C2orf78: variants seen among roughly 807,000 people sequenced by gnomAD.
C2orf78 encodes uncharacterized protein C2orf78.
Under a neutral mutation model 21.4 loss-of-function variants are expected in C2orf78, and 12 were observed. The ratio of observed to expected loss-of-function variants is 0.56; its 90% confidence interval spans 0.36 to 0.91. The LOEUF (loss-of-function observed/expected upper bound fraction) is 0.91, where lower values mean the gene tolerates loss of function less well. Among genes scored for constraint, C2orf78 ranks in the 40% least tolerant of loss-of-function variants. The pLI, the probability that C2orf78 is intolerant of heterozygous loss-of-function variation, is 0.01. For missense variants in C2orf78, 1,042 were observed against 1,092.4 expected (o/e 0.95, Z 0.65); for synonymous variants, 396 against 413.9 (o/e 0.96, Z 0.52).
rs773760146 is a variant in C2orf78 at position 73,813,869 on chromosome 2, C to G, written c.490C>G (p.Gln164Glu). The change falls in exon 2 of 3, where the codon CAG becomes GAG. Residue 164 changes from glutamine (Q) to glutamate (E), a missense_variant. Physicochemically the swap from Gln to Glu is conservative, Grantham distance 29. Coordinates refer to ENST00000409561, the Ensembl canonical transcript of C2orf78. The stretch of plus-strand genomic sequence containing the variant: ...TGTCTCTTCCATGTCTATGACAGCC[C>G]AGTATTATAAAACTTCAGATACCAA... 22 of 1,613,802 alleles carry G rather than the reference C, an allele frequency of 1.4e-5. 1 individual carries two copies. The highest frequency in any genetic ancestry group is 1.0e-4 in the Admixed American group (6 of 59,974).
At chr2:73,815,165 C>T (rs1673165771) in exon 3 of C2orf78, 1 of 1,613,998 alleles carries the variant, frequency 6.2e-7, no homozygotes, top group South Asian at 1.1e-5. Context: ...TCTCCAAGTC[C>T]TTCAGTAGCA....
chr2:73,816,644 T>G, exon 3 of C2orf78: 1 of 1,613,916 alleles, frequency 6.2e-7, no homozygotes, highest in Non-Finnish European at 8.5e-7. Context: ...TCCCTCAATC[T>G]GCTGCTTCTA....
chr2:73,816,545 C>T (rs765738272), exon 3 of C2orf78: 3 of 1,613,816 alleles, frequency 1.9e-6, no homozygotes, highest in Admixed American at 1.7e-5. Flanking sequence ...CTCCTACCAA[C>T]ACATCTTTGA....
Position 73,785,531 on chromosome 2 carries a change from G to GAA in C2orf78, c.97+1134_97+1135dup, listed in dbSNP as rs1167308496. On this transcript the variant is annotated intron_variant, in intron 1 of 2. Transcript: ENST00000409561. ...AAAGAAAAAAATATATTTTAAATTT[G>GAA]AAAAAAAAAAGCAGAAGGACAACAG... Among the ~76,000 whole-genome samples, 325 of 139,206 alleles carry GAA rather than the reference G, an allele frequency of 2.3e-3. 3 individuals are homozygous for GAA. Among genetic ancestry groups the GAA allele is most frequent in the African/African-American group, 8.2e-3 (310 of 37,618 alleles). The allele number at this position is 139,206 out of a possible 152,430, so 91.3% of individuals were successfully genotyped here.
chr2:73,784,416 G>C lies in C2orf78; in HGVS notation c.97+10G>C, dbSNP rs1485929711. ...TCTCTGACCATGTCAGGTAAAGAGA[G>C]AAACTTTTTAAAAAGGTTTTCATGA... On this transcript the variant is annotated intron_variant, in intron 1 of 2. Coordinates refer to ENST00000409561, the Ensembl canonical transcript of C2orf78. 1 of 912,306 alleles carries C rather than the reference G, an allele frequency of 1.1e-6. No individual in the cohort carries two copies. The highest frequency in any genetic ancestry group is 1.6e-6 in the Non-Finnish European group (1 of 608,238). The allele number at this position is 912,306 out of a possible 1,614,324, so 56.5% of individuals were successfully genotyped here. A position where few individuals can be genotyped will look rare whatever the true frequency, so the allele number is the denominator to read the frequency against.
intron 1 of C2orf78, among the ~76,000 whole-genome samples, chr2:73,798,305 A>C (rs1202559798): frequency 1.5e-4 from 5 of 32,284 alleles, no homozygotes; most frequent in African/African-American, 7.2e-4. Context: ...AATACAAAAA[A>C]TTAGCCGGCT....
rs140115416 is a variant in C2orf78 at position 73,786,075 on chromosome 2, A to G, written c.97+1669A>G. On this transcript the variant is annotated intron_variant, in intron 1 of 2. Transcript: ENST00000409561. ...AAGAAAAAAAAAGAAAGAGAGAAAT[A>G]TGTTTTAGAAATGAGGCTTCCAGGC... 2.8e-4 allele frequency among the ~76,000 whole-genome samples: 42 copies of G among 151,856 alleles called. 1 individual carries two copies. In the East Asian group the frequency reaches 5.1e-3, roughly 18 times the overall value.
intron 2 of C2orf78, among the ~76,000 whole-genome samples, chr2:73,814,706 C>G (rs1236221057): frequency 6.6e-6 from 1 of 152,240 alleles, no homozygotes; most frequent in Non-Finnish European, 1.5e-5. Context: ...GGGCTCCACT[C>G]TCTACCTTAC....
chr2:73,816,274 C>T (rs756767934), exon 3 of C2orf78: 65 of 1,613,688 alleles, frequency 4.0e-5, no homozygotes, highest in Middle Eastern at 1.6e-4. Context: ...GGTAAAGGCC[C>T]GGAGAAAATT....
At chr2:73,808,530 C>G (rs1189595669) in intron 1 of C2orf78, among the ~76,000 whole-genome samples, 1 of 150,266 alleles carries the variant, frequency 6.7e-6, no homozygotes, top group Non-Finnish European at 1.5e-5. Flanking sequence ...ACTATCATGT[C>G]TGTCTTGCAG....
At chr2:73,809,999 AT>A (rs1158097411) in intron 1 of C2orf78, among the ~76,000 whole-genome samples, 8 of 152,128 alleles carry the variant, frequency 5.3e-5, no homozygotes, top group Admixed American at 1.3e-4. Context: ...AAATAAAAAA[AT>A]ATATTTTAAA....
At chr2:73,786,433 T>G (rs1263062607) in intron 1 of C2orf78, among the ~76,000 whole-genome samples, 2 of 129,148 alleles carry the variant, frequency 1.5e-5, no homozygotes, top group Non-Finnish European at 3.2e-5. Context: ...CTCTAAAAGC[T>G]TACCACCAAG....
rs955413317 is a variant in C2orf78 at position 73,807,932 on chromosome 2, G to C, written c.98-5545G>C. Among the ~76,000 whole-genome samples the C allele has an allele frequency of 7.3e-5, 11 of 150,886 alleles. 1 individual carries two copies. The highest frequency in any genetic ancestry group is 1.3e-4 in the Admixed American group (2 of 15,204). On this transcript the variant is annotated intron_variant, in intron 1 of 2. Transcript: ENST00000409561. ...CTTTGCTGTTCAAGTTACAAAAGAG[G>C]GTTCTTTAATCTCTTCCTTTGGCCC...
intron 1 of C2orf78, among the ~76,000 whole-genome samples, chr2:73,812,077 T>C (rs553930012): frequency 6.6e-6 from 1 of 152,292 alleles, no homozygotes; most frequent in East Asian, 1.9e-4. Flanking sequence ...ATACAGTTTG[T>C]CTATACATTT....
chr2:73,816,534 G>A, exon 3 of C2orf78: 1 of 1,613,840 alleles, frequency 6.2e-7, no homozygotes, highest in Non-Finnish European at 8.5e-7. Context: ...ATCCCGACCA[G>A]CTCCTACCAA....
At chr2:73,812,408 C>T (rs1000233665) in intron 1 of C2orf78, among the ~76,000 whole-genome samples, 1 of 152,136 alleles carries the variant, frequency 6.6e-6, no homozygotes, top group African/African-American at 2.4e-5. Flanking sequence ...TAATCTATCA[C>T]TTTTATTCAT....
intron 1 of C2orf78, among the ~76,000 whole-genome samples, chr2:73,809,310 T>A (rs1673023509): frequency 6.6e-6 from 1 of 152,210 alleles, no homozygotes; most frequent in Admixed American, 6.5e-5. Flanking sequence ...ATAGTCTCCC[T>A]CCACTAATAT....
chr2:73,817,007 G>T, exon 3 of C2orf78: 1 of 1,592,866 alleles, frequency 6.3e-7, no homozygotes, highest in South Asian at 1.1e-5. Flanking sequence ...TGAGATTGTT[G>T]GTTTTACTTT....
At chr2:73,784,693 G>A (rs568938347) in intron 1 of C2orf78, among the ~76,000 whole-genome samples, 43 of 151,394 alleles carry the variant, frequency 2.8e-4, no homozygotes, top group African/African-American at 1.0e-3. Flanking sequence ...AAGGGTATAC[G>A]TATAGAAAAT....
Sources: allele counts gnomAD v4.1 joint callset (sites outside exome capture counted in the v4.1 genomes callset), GRCh38; gene constraint gnomAD v4.1.1; transcripts MANE v1.5; gene names NCBI Gene and HGNC (gene_info 2026-07-23, HGNC 2026-07-21).